Variants in TRPV4 observed in about 807,000 individuals in gnomAD.
TRPV4 encodes OSM9-like transient receptor potential channel 4.
A neutral mutation model predicts 84.1 loss-of-function variants in TRPV4; 58 were observed. The ratio of observed to expected loss-of-function variants is 0.69; its 90% CI spans 0.56 to 0.86. TRPV4 has a LOEUF of 0.86. TRPV4 is among the 40% of genes least tolerant of loss of function. TRPV4 has a pLI of 0.00. For synonymous variants in TRPV4, 489 were observed against 500.9 expected (o/e 0.98, Z 0.32); for missense variants, 879 against 1,181.1 (o/e 0.74, Z 3.75).
intron 14 of TRPV4, among the ~76,000 whole-genome samples, chr12:109,784,742 G>T (rs1889572671): frequency 6.6e-6 from 1 of 150,930 alleles, no homozygotes; most frequent in South Asian, 2.1e-4. Flanking sequence ...GACCCGAGAG[G>T]CTGAGGCAGG....
intron 3 of TRPV4, among the ~76,000 whole-genome samples, chr12:109,807,787 T>G (rs1891237569): frequency 1.3e-5 from 2 of 152,108 alleles, no homozygotes; most frequent in African/African-American, 4.8e-5. Context: ...AAAGCTAGGC[T>G]GGGGTGGAGC....
chr12:109,818,718 T>C (rs563621317), intron 1 of TRPV4, among the ~76,000 whole-genome samples: 1 of 152,306 alleles, frequency 6.6e-6, no homozygotes, highest in Admixed American at 6.5e-5. Context: ...TTGATAAATG[T>C]TGGATCTTGT....
chr12:109,814,266 T>G lies in TRPV4; in HGVS notation c.386+145A>C. The G allele has an allele frequency of 1.1e-6, 1 of 931,314 alleles. No individual in the cohort carries two copies. Among genetic ancestry groups the G allele is most frequent in the Non-Finnish European group, 1.7e-6 (1 of 596,714 alleles). The allele number at this position is 931,314 out of a possible 1,614,324, so 57.7% of individuals were successfully genotyped here. A position where few individuals can be genotyped will look rare whatever the true frequency, so the allele number is the denominator to read the frequency against. ...ATGGATAGGGAGATGAATAGATGGA[T>G]GGATAGATGTATGGATGGTTGGATG... On this transcript the variant is annotated intron_variant, in intron 2 of 15. Coordinates refer to ENST00000261740, the MANE Select transcript of TRPV4 (RefSeq NM_021625.5). This position sits in a 1 kb window ranked among gnomAD's most constrained non-coding sequence, Gnocchi z 5.4.
intron 1 of TRPV4, among the ~76,000 whole-genome samples, chr12:109,827,022 GATGAATGAATGA>G (rs368514736): frequency 6.6e-6 from 1 of 152,138 alleles, no homozygotes; most frequent in Admixed American, 6.5e-5. Context: ...GTATTTGCTG[GATGAATGAATGA>G]ATGAATGAAT....
chr12:109,827,376 C>A, intron 1 of TRPV4, among the ~76,000 whole-genome samples: 1 of 152,208 alleles, frequency 6.6e-6, no homozygotes, highest in South Asian at 2.1e-4. Flanking sequence ...TGTCCAGTCA[C>A]TCATTCCTTC....
intron 3 of TRPV4, among the ~76,000 whole-genome samples, chr12:109,805,290 C>A (rs1488264012): frequency 6.6e-6 from 1 of 152,214 alleles, no homozygotes; most frequent in Admixed American, 6.5e-5. Flanking sequence ...GCTGGGCACC[C>A]CAGGTAATTC....
chr12:109,797,485 G>T (rs1890478078), intron 6 of TRPV4, among the ~76,000 whole-genome samples: 1 of 147,026 alleles, frequency 6.8e-6, no homozygotes, highest in South Asian at 2.2e-4. Flanking sequence ...ACAGGGTCTG[G>T]CTCTGTTGCC....
chr12:109,794,371 G>T lies in TRPV4; in HGVS notation c.1449C>A (p.Val483=). The T allele has an allele frequency of 6.2e-7, 1 of 1,613,512 alleles. No individual in the cohort carries two copies. The highest frequency in any genetic ancestry group is 1.1e-5 in the South Asian group (1 of 91,064). The change falls in exon 8 of 16, where the codon GTC becomes GTA. Residue 483 remains valine (V), a synonymous_variant. Transcript: ENST00000261740. The part of the protein sequence containing the change: ...INVVSYLCAM[V]IFTLTAYYQP... ...GGTAGTAGGCGGTGAGAGTGAAGATGACCATGGCACACAGGTAGGAGACCA... is the reference window on the plus strand; with the variant it reads ...GGTAGTAGGCGGTGAGAGTGAAGATTACCATGGCACACAGGTAGGAGACCA...
rs1210705760 is a variant in TRPV4, at chr12:109,803,248, G to A, written c.560-105C>T. 8 of 1,330,632 alleles carry A rather than the reference G, an allele frequency of 6.0e-6. No individual in the cohort carries two copies. The African/African-American group carries it at 1.2e-4, about 19-fold the overall frequency. 82.4% of individuals were successfully genotyped at this position (1,330,632 alleles called of 1,614,324 possible). ...GGGTAGGGGGTCAGATGTCCTGGCT[G>A]TCAACATCTCCTCTCCAAGCCTGTT... is the stretch of plus-strand genomic sequence containing the variant. On this transcript the variant is annotated intron_variant, in intron 3 of 15. Coordinates refer to ENST00000261740, the MANE Select transcript of TRPV4 (RefSeq NM_021625.5).
chr12:109,783,919 C>A lies in TRPV4; in HGVS notation c.2459-141G>T. The stretch of plus-strand genomic sequence containing the variant: ...TATGCTCATTTTACAGAGGTGGAAA[C>A]TGGGGCTCAAGAGAGGTCAAGGTGC... On this transcript the variant is annotated intron_variant, in intron 15 of 15. Coordinates refer to ENST00000261740, the MANE Select transcript of TRPV4 (RefSeq NM_021625.5). This position sits in a 1 kb window ranked among gnomAD's most constrained non-coding sequence, Gnocchi z 4.6. 1 of 1,087,184 alleles carries A rather than the reference C, an allele frequency of 9.2e-7. No individual in the cohort carries two copies. The highest frequency in any genetic ancestry group is 1.5e-5 in the South Asian group (1 of 66,294). The allele number at this position is 1,087,184 out of a possible 1,614,324, so 67.3% of individuals were successfully genotyped here.
In TRPV4 at chr12:109,783,177, C is replaced by T. The variant is rs1362777186; in HGVS notation, c.*444G>A. ...AGGCATGGCCCCACGCCGAGGGCCC[C>T]AGCCCCTTGCAAAGCTGCCACGCTG... On this transcript the variant is annotated 3_prime_UTR_variant, in exon 16 of 16. Coordinates refer to ENST00000261740, the MANE Select transcript of TRPV4 (RefSeq NM_021625.5). The surrounding 1 kb of genome is among the most constrained non-coding windows in gnomAD (Gnocchi z 4.6). 5.6e-6 allele frequency: 1 copy of T among 177,496 alleles called. No homozygotes were observed. Among genetic ancestry groups the T allele is most frequent in the Non-Finnish European group, 1.2e-5 (1 of 84,582 alleles). The allele number at this position is 177,496 out of a possible 1,614,324, so 11.0% of individuals were successfully genotyped here.
chr12:109,806,189 CA>C (rs1312989234), intron 3 of TRPV4, among the ~76,000 whole-genome samples: 1 of 151,998 alleles, frequency 6.6e-6, no homozygotes. Context: ...ATAAATCCAG[CA>C]ATTGTATTTT....
chr12:109,808,986 C>CCCAT (rs749254674), intron 2 of TRPV4, among the ~76,000 whole-genome samples: 1 of 148,890 alleles, frequency 6.7e-6, no homozygotes, highest in African/African-American at 2.5e-5. Flanking sequence ...CATCCACTCA[C>CCCAT]CCATCCATCC....
In TRPV4 at chr12:109,807,972, G is replaced by A. The variant is rs560618089; in HGVS notation, c.559+324C>T. On this transcript the variant is annotated intron_variant, in intron 3 of 15. Transcript: ENST00000261740. ...CCAGTTTACAGATGAGGAAACGGAG[G>A]CTCAGAGAGGTCACACATCGCTTAA... Among the ~76,000 whole-genome samples the A allele has an allele frequency of 3.3e-5, 5 of 152,308 alleles. No homozygotes were observed. The South Asian group carries it at 1.0e-3, about 32-fold the overall frequency.
intron 1 of TRPV4, among the ~76,000 whole-genome samples, chr12:109,830,198 G>GGGCC (rs376606709): frequency 4.6e-4 from 69 of 150,244 alleles, no homozygotes; most frequent in African/African-American, 1.6e-3. Context: ...AAATGGGGAC[G>GGGCC]GGCCACCTTA....
chr12:109,826,138 C>T (rs1224882792), intron 1 of TRPV4, among the ~76,000 whole-genome samples: 1 of 152,214 alleles, frequency 6.6e-6, no homozygotes, highest in Non-Finnish European at 1.5e-5. Context: ...ATCCTCCCAC[C>T]TCAGCCTCCC....
intron 1 of TRPV4, among the ~76,000 whole-genome samples, chr12:109,824,064 C>G (rs1466241207): frequency 1.3e-5 from 2 of 152,032 alleles, no homozygotes; most frequent in Non-Finnish European, 2.9e-5. Flanking sequence ...CTCCCAGGTT[C>G]AAGCAATCCT....
chr12:109,806,731 T>G lies in TRPV4; in HGVS notation c.559+1565A>C, dbSNP rs923165155. ...AAAAATTTAGCCAGGCATGGTAGCT[T>G]GCACCTGTAGTCCCAACTACTCTCG... On this transcript the variant is annotated intron_variant, in intron 3 of 15. Coordinates refer to ENST00000261740, the MANE Select transcript of TRPV4 (RefSeq NM_021625.5). Among the ~76,000 whole-genome samples the G allele has an allele frequency of 4.6e-5, 7 of 151,396 alleles. No individual in the cohort carries two copies. The South Asian group carries it at 1.5e-3, about 32-fold the overall frequency.
intron 3 of TRPV4, among the ~76,000 whole-genome samples, chr12:109,804,166 T>G (rs1283348872): frequency 2.0e-5 from 3 of 152,148 alleles, no homozygotes; most frequent in Non-Finnish European, 4.4e-5. Flanking sequence ...TACTAGCGGG[T>G]CCTTAACACC....
Sources: allele counts gnomAD v4.1 joint callset (sites outside exome capture counted in the v4.1 genomes callset), GRCh38; gene constraint gnomAD v4.1.1; non-coding constraint Gnocchi (gnomAD v3.1); transcripts MANE v1.5; gene names NCBI Gene and HGNC (gene_info 2026-07-23, HGNC 2026-07-21).